The following PTPRD variants were observed in gnomAD, a reference collection of about 807,000 sequenced individuals.
The protein encoded by PTPRD is protein tyrosine phosphatase receptor type D.
Under a neutral mutation model 214.5 loss-of-function variants are expected in PTPRD, and 34 were observed. The ratio of observed to expected loss-of-function variants is 0.16; its 90% confidence interval spans 0.12 to 0.21. The LOEUF (loss-of-function observed/expected upper bound fraction) is 0.21, where lower values mean the gene tolerates loss of function less well. Ranked by LOEUF, PTPRD falls within the 10% of genes least tolerant of loss-of-function variation. PTPRD has a pLI of 1.00. For missense variants in PTPRD, 2,545 were observed against 2,398.7 expected (o/e 1.06, Z -1.27); for synonymous variants, 1,128 against 845.7 (o/e 1.33, Z -5.79).
intron 9 of PTPRD, among the ~76,000 whole-genome samples, chr9:9,378,524 G>A (rs1327695437): frequency 6.6e-6 from 1 of 152,046 alleles, no homozygotes; most frequent in African/African-American, 2.4e-5. Context: ...CAACTCATTT[G>A]CATAAATACT....
At chr9:10,332,530 A>G (rs972018089) in intron 3 of PTPRD, among the ~76,000 whole-genome samples, 1 of 151,694 alleles carries the variant, frequency 6.6e-6, no homozygotes, top group Admixed American at 6.6e-5. Context: ...TGAAGTGTAC[A>G]CTCTTTTTAG....
chr9:8,321,781 T>C (rs960867229), intron 44 of PTPRD, among the ~76,000 whole-genome samples: 2 of 151,856 alleles, frequency 1.3e-5, no homozygotes, highest in Admixed American at 6.6e-5. Context: ...AATCCCAATA[T>C]ATACCATCTA....
chr9:9,514,160 T>G (rs1057143246), intron 8 of PTPRD, among the ~76,000 whole-genome samples: 1 of 152,060 alleles, frequency 6.6e-6, no homozygotes, highest in Non-Finnish European at 1.5e-5. Flanking sequence ...GAAACAGACA[T>G]GCAATTTTTA....
intron 5 of PTPRD, among the ~76,000 whole-genome samples, chr9:9,914,344 C>G (rs150285816): frequency 3.7e-4 from 57 of 152,310 alleles, no homozygotes; most frequent in African/African-American, 1.3e-3. Context: ...AGTGGGCACA[C>G]CCATGGGCCA....
chr9:9,236,700 T>G (rs924259707), intron 9 of PTPRD, among the ~76,000 whole-genome samples: 4 of 151,810 alleles, frequency 2.6e-5, no homozygotes, highest in African/African-American at 9.7e-5. Flanking sequence ...GCCTTTGTTT[T>G]CCCATTTGTC....
intron 12 of PTPRD, among the ~76,000 whole-genome samples, chr9:8,659,660 T>C (rs1203231172): frequency 5.9e-5 from 9 of 152,120 alleles, no homozygotes; most frequent in Non-Finnish European, 1.2e-4. Flanking sequence ...AAGTAATTGA[T>C]TGGGGCAAAT....
At chr9:8,885,048 A>G (rs1165363426) in intron 11 of PTPRD, among the ~76,000 whole-genome samples, 3 of 152,226 alleles carry the variant, frequency 2.0e-5, no homozygotes, top group African/African-American at 7.2e-5. Flanking sequence ...TGACTATGAT[A>G]GTGCAAGTGA....
At chr9:10,154,611 T>A (rs2099082226) in intron 3 of PTPRD, among the ~76,000 whole-genome samples, 1 of 152,048 alleles carries the variant, frequency 6.6e-6, no homozygotes, top group South Asian at 2.1e-4. Context: ...ACATTTAAAT[T>A]TTTAATCCAT....
chr9:9,647,700 T>C (rs1459902544), intron 7 of PTPRD, among the ~76,000 whole-genome samples: 2 of 152,242 alleles, frequency 1.3e-5, no homozygotes, highest in African/African-American at 4.8e-5. Flanking sequence ...AGCAATGTTC[T>C]AATTTCTTGT....
intron 4 of PTPRD, among the ~76,000 whole-genome samples, chr9:9,999,210 G>C (rs943800385): frequency 6.6e-6 from 1 of 152,112 alleles, no homozygotes; most frequent in Non-Finnish European, 1.5e-5. Flanking sequence ...CTGTTCTTTT[G>C]ACAGTTACAG....
intron 4 of PTPRD, among the ~76,000 whole-genome samples, chr9:9,993,777 C>CA (rs200273722): frequency 5.0e-4 from 22 of 44,028 alleles, no homozygotes; most frequent in African/African-American, 1.9e-3. Context: ...TGATTTTTTG[C>CA]AATTTTTCTG....
intron 9 of PTPRD, among the ~76,000 whole-genome samples, chr9:9,337,603 A>G: frequency 6.6e-6 from 1 of 152,180 alleles, no homozygotes; most frequent in East Asian, 1.9e-4. Context: ...TAAGTGATGG[A>G]CAACCTGACA....
intron 11 of PTPRD, among the ~76,000 whole-genome samples, chr9:8,756,477 C>A (rs889283240): frequency 2.0e-4 from 31 of 152,178 alleles, no homozygotes; most frequent in African/African-American, 7.5e-4. Flanking sequence ...TCTGCAATTT[C>A]TTCTAACTCA....
chr9:9,942,916 T>G (rs2091861178), intron 4 of PTPRD, among the ~76,000 whole-genome samples: 1 of 149,996 alleles, frequency 6.7e-6, no homozygotes. Flanking sequence ...TTTTTAAAGC[T>G]TTTGTCCCAA....
chr9:9,340,375 G>C (rs902486866), intron 9 of PTPRD, among the ~76,000 whole-genome samples: 2 of 152,146 alleles, frequency 1.3e-5, no homozygotes, highest in African/African-American at 2.4e-5. Context: ...AGAGGGTTAT[G>C]TTATTTTGTG....
chr9:8,924,152 A>T (rs745713470), intron 11 of PTPRD, among the ~76,000 whole-genome samples: 2 of 152,036 alleles, frequency 1.3e-5, no homozygotes, highest in Non-Finnish European at 2.9e-5. Flanking sequence ...CACTCATCAC[A>T]CCTATGATTC....
chr9:9,112,872 G>A (rs1051227856), intron 10 of PTPRD, among the ~76,000 whole-genome samples: 1 of 151,808 alleles, frequency 6.6e-6, no homozygotes, highest in Non-Finnish European at 1.5e-5. Flanking sequence ...CAGGTGTTTC[G>A]ATTACAAACC....
At chr9:10,198,667 G>A (rs2099407506) in intron 3 of PTPRD, among the ~76,000 whole-genome samples, 1 of 152,088 alleles carries the variant, frequency 6.6e-6, no homozygotes, top group African/African-American at 2.4e-5. Flanking sequence ...AACCTTGGAA[G>A]CAGATAAACA....
chr9:9,489,355 CAACA>C (rs1216012477), intron 8 of PTPRD, among the ~76,000 whole-genome samples: 1 of 152,018 alleles, frequency 6.6e-6, no homozygotes, highest in Non-Finnish European at 1.5e-5. Context: ...GCAAAGCTTT[CAACA>C]AATAACCCAC....
Sources: allele counts gnomAD v4.1 joint callset (sites outside exome capture counted in the v4.1 genomes callset), GRCh38; gene constraint gnomAD v4.1.1; transcripts MANE v1.5; gene names NCBI Gene and HGNC (gene_info 2026-07-23, HGNC 2026-07-21).